Variants in DNAH17 observed in about 807,000 individuals in gnomAD.
The protein encoded by DNAH17 is axonemal beta dynein heavy chain 17.
DNAH17 carries 376 observed loss-of-function variants against 485.6 expected under a neutral mutation model. The ratio of observed to expected loss-of-function variants is 0.77; its 90% CI spans 0.71 to 0.84. The LOEUF (loss-of-function observed/expected upper bound fraction) is 0.84, where lower values mean the gene tolerates loss of function less well. Ranked by LOEUF, DNAH17 falls within the 40% of genes least tolerant of loss-of-function variation. The pLI is 0.00. For missense variants in DNAH17, 6,370 were observed against 5,839.3 expected, an observed-to-expected ratio of 1.09 and a Z score of -2.96; for synonymous variants, 3,031 against 2,405.9, an observed-to-expected ratio of 1.26 and a Z score of -7.60.
At chr17:78,430,417 C>T (rs1036113535) in intron 75 of DNAH17, among the ~76,000 whole-genome samples, 1 of 152,210 alleles carries the variant, frequency 6.6e-6, no homozygotes, top group Non-Finnish European at 1.5e-5. Flanking sequence ...CTGAAGTTTG[C>T]AGCTCCTGAA....
In DNAH17 at chr17:78,476,496, T is replaced by C. The variant is rs139417110; in HGVS notation, c.8154+76A>G. Reference sequence around the variant, plus strand: ...AAGGGCCCTTCTGAGAGGGCTGCAGTTCTCATTGGCCGCCGACACTCCACC... The same window carrying C: ...AAGGGCCCTTCTGAGAGGGCTGCAGCTCTCATTGGCCGCCGACACTCCACC... On this transcript the variant is annotated intron_variant, in intron 52 of 80. Coordinates refer to ENST00000389840, the MANE Select transcript of DNAH17 (RefSeq NM_173628.4). 387 of 1,500,586 alleles carry C rather than the reference T, an allele frequency of 2.6e-4. 2 individuals carry two copies. The East Asian group carries it at 6.3e-3, about 24-fold the overall frequency. The allele number at this position is 1,500,586 out of a possible 1,614,324, so 93.0% of individuals were successfully genotyped here.
chr17:78,480,013 C>CTTTTTTTT lies in DNAH17; in HGVS notation c.7753-389_7753-382dup, dbSNP rs370344478. On this transcript the variant is annotated intron_variant, in intron 49 of 80. Coordinates refer to ENST00000389840, the MANE Select transcript of DNAH17 (RefSeq NM_173628.4). ...CTGAATTTCAGATAAACAACAAGTA[C>CTTTTTTTT]TTTTTTTTTTTTTTTTTTTTTTTTT... Among the ~76,000 whole-genome samples, 28 of 70,532 alleles carry CTTTTTTTT rather than the reference C, an allele frequency of 4.0e-4. 8 individuals are homozygous for CTTTTTTTT. Among genetic ancestry groups the CTTTTTTTT allele is most frequent in the African/African-American group, 6.8e-4 (16 of 23,646 alleles). The allele number at this position is 70,532 out of a possible 152,430, so 46.3% of individuals were successfully genotyped here.
chr17:78,445,426 G>A, intron 70 of DNAH17, 132 bp downstream of exon 70: 1 of 1,286,766 alleles, frequency 7.8e-7, no homozygotes, highest in South Asian at 1.5e-5. Context: ...CCTATGTGCG[G>A]GGCCTCCTTG....
intron 37 of DNAH17, among the ~76,000 whole-genome samples, chr17:78,497,295 C>T (rs374463922): frequency 7.2e-5 from 11 of 152,130 alleles, no homozygotes; most frequent in South Asian, 6.2e-4. Context: ...CCAATACTCG[C>T]GGTAAAGCTG....
At chr17:78,530,196 G>A (rs2091193138) in intron 21 of DNAH17, 147 bp downstream of exon 21, 4 of 893,578 alleles carry the variant, frequency 4.5e-6, no homozygotes, top group Non-Finnish European at 6.6e-6. Flanking sequence ...GCTCACGCTT[G>A]GTGGGGTAGT....
intron 48 of DNAH17, among the ~76,000 whole-genome samples, chr17:78,483,056 G>A (rs1335963528): frequency 2.0e-5 from 3 of 152,112 alleles, no homozygotes; most frequent in Non-Finnish European, 2.9e-5. Context: ...AGAGAGGAAC[G>A]GGTGGGCTCT....
intron 63 of DNAH17, 45 bp from the exon 64 acceptor site, chr17:78,454,750 A>G: frequency 6.6e-7 from 1 of 1,509,046 alleles, no homozygotes; most frequent in Non-Finnish European, 9.1e-7. Flanking sequence ...ATGCGACCTT[A>G]TTACTTACTA....
intron 40 of DNAH17, 102 bp from the exon 41 acceptor site, chr17:78,494,275 G>A (rs2089982134): frequency 3.2e-5 from 48 of 1,491,236 alleles, no homozygotes; most frequent in Non-Finnish European, 4.2e-5. Flanking sequence ...AGATGATAAA[G>A]GCGCCCTTGC....
Position 78,494,941 on chromosome 17 carries a change from G to A in DNAH17, c.6042+18C>T. On this transcript the variant is annotated intron_variant, in intron 39 of 80. Transcript: ENST00000389840. Reference sequence around the variant, plus strand: ...AAACTCCCACCCACACCCGCCGTGAGCTCCAGGACACACACACCTGCTTCG... The same window carrying A: ...AAACTCCCACCCACACCCGCCGTGAACTCCAGGACACACACACCTGCTTCG... The A allele has an allele frequency of 6.2e-7, 1 of 1,602,796 alleles. No individual in the cohort carries two copies. Among genetic ancestry groups the A allele is most frequent in the East Asian group, 2.2e-5 (1 of 44,568 alleles).
chr17:78,541,774 C>G (rs1195281948), intron 17 of DNAH17, among the ~76,000 whole-genome samples: 1 of 152,122 alleles, frequency 6.6e-6, no homozygotes, highest in Non-Finnish European at 1.5e-5. Context: ...TTTACTAACC[C>G]TAAGTCAAAT....
intron 2 of DNAH17, among the ~76,000 whole-genome samples, chr17:78,573,695 C>T: frequency 6.6e-6 from 1 of 151,784 alleles, no homozygotes. Context: ...TAGACATGCA[C>T]AGAAGGCCGA....
rs141139499 is a variant in DNAH17, at chr17:78,552,757, G to T, written c.2227C>A (p.Leu743Met). 6.2e-7 allele frequency: 1 copy of T among 1,613,900 alleles called. No homozygotes were observed. The highest frequency in any genetic ancestry group is 2.2e-5 in the East Asian group (1 of 44,888). Reference sequence around the variant, plus strand: ...AATAACTTGACATCAATTGCTTCCAGTTCTGACTTTATTAGTAGAAATTCT... The same window carrying T: ...AATAACTTGACATCAATTGCTTCCATTTCTGACTTTATTAGTAGAAATTCT... The part of the protein sequence containing the change: ...AVEFLLIKSE[L>M]EAIDVKLLSA... The change falls in exon 15 of 81, where the codon CTG becomes ATG. Residue 743 changes from leucine to methionine, a missense_variant. Physicochemically the swap from Leu to Met is conservative, Grantham distance 15. Coordinates refer to ENST00000389840, the MANE Select transcript of DNAH17 (RefSeq NM_173628.4).
intron 44 of DNAH17, among the ~76,000 whole-genome samples, chr17:78,488,270 G>A (rs1281172983): frequency 6.6e-6 from 1 of 152,208 alleles, no homozygotes; most frequent in Non-Finnish European, 1.5e-5. Flanking sequence ...TGTCCCCAAG[G>A]CCATCCTGGG....
At chr17:78,488,844 T>A (rs1162690675) in intron 44 of DNAH17, among the ~76,000 whole-genome samples, 1 of 151,470 alleles carries the variant, frequency 6.6e-6, no homozygotes, top group African/African-American at 2.4e-5. Context: ...GAGGCGGAGA[T>A]GGGAGGGGTG....
At chr17:78,528,493 C>A (rs1229745278) in intron 22 of DNAH17, among the ~76,000 whole-genome samples, 1 of 152,178 alleles carries the variant, frequency 6.6e-6, no homozygotes, top group Non-Finnish European at 1.5e-5. Flanking sequence ...CTTGTCACCC[C>A]CAGGGCTGTG....
chr17:78,538,093 T>C (rs1004419418), intron 18 of DNAH17, among the ~76,000 whole-genome samples: 1 of 145,448 alleles, frequency 6.9e-6, no homozygotes, highest in African/African-American at 2.6e-5. Flanking sequence ...TGAGCTGAGA[T>C]TGTGCCATTG....
intron 49 of DNAH17, among the ~76,000 whole-genome samples, chr17:78,480,052 A>AG (rs1477638072): frequency 4.9e-5 from 4 of 81,254 alleles, no homozygotes; most frequent in African/African-American, 1.5e-4. Flanking sequence ...TTTTTTTTAA[A>AG]AAAAGTATGT....
intron 56 of DNAH17, 43 bp downstream of exon 56, chr17:78,466,612 C>T: frequency 6.4e-7 from 1 of 1,564,424 alleles, no homozygotes. Flanking sequence ...TGTCCTTGTC[C>T]TCTGGGCTCT....
At chr17:78,561,533 C>T (rs1349483421) in intron 12 of DNAH17, among the ~76,000 whole-genome samples, 182 bp downstream of exon 12, 1 of 152,070 alleles carries the variant, frequency 6.6e-6, no homozygotes, top group Non-Finnish European at 1.5e-5. Flanking sequence ...CCTGAGCACT[C>T]CCACCAAGAA....
Sources: gnomAD v4.1 joint callset for allele counts (sites outside exome capture counted in the v4.1 genomes callset) on GRCh38, gnomAD v4.1.1 for gene constraint, MANE v1.5 for transcripts, NCBI Gene and HGNC (gene_info 2026-07-23, HGNC 2026-07-21) for gene names.